UIMC1: variants seen among roughly 807,000 people sequenced by gnomAD.
The protein encoded by UIMC1 is ubiquitin interaction motif containing 1.
A neutral mutation model predicts 84.9 loss-of-function variants in UIMC1; 42 were observed. The ratio of observed to expected loss-of-function variants is 0.49; its 90% CI spans 0.39 to 0.64. The LOEUF is 0.64. Ranked by LOEUF, UIMC1 falls within the 30% of genes least tolerant of loss-of-function variation. The pLI is 0.00. For missense variants in UIMC1, 825 were observed against 847.6 expected (o/e 0.97, Z 0.33); for synonymous variants, 281 against 293.0 (o/e 0.96, Z 0.42).
intron 10 of UIMC1, among the ~76,000 whole-genome samples, chr5:176,933,420 A>C (rs1763352533): frequency 6.6e-6 from 1 of 152,242 alleles, no homozygotes; most frequent in South Asian, 2.1e-4. Context: ...TGGAGGCAAA[A>C]GGAATGCTCT....
chr5:176,951,986 T>C (rs1765941543), intron 8 of UIMC1, among the ~76,000 whole-genome samples: 1 of 152,242 alleles, frequency 6.6e-6, no homozygotes, highest in Non-Finnish European at 1.5e-5. Context: ...TTGTCTCTCA[T>C]ATAAATAGAA....
chr5:176,973,660 T>C (rs1422266728), intron 3 of UIMC1, among the ~76,000 whole-genome samples: 1 of 151,850 alleles, frequency 6.6e-6, no homozygotes, highest in East Asian at 1.9e-4. Context: ...TCTCAGCTAC[T>C]CAGGAGGCAG....
intron 1 of UIMC1, among the ~76,000 whole-genome samples, chr5:176,986,811 T>A (rs575484182): frequency 5.9e-5 from 9 of 152,148 alleles, no homozygotes; most frequent in Admixed American, 2.0e-4. Flanking sequence ...CTTAGGGTTC[T>A]AGGCAGAACA....
intron 8 of UIMC1, among the ~76,000 whole-genome samples, chr5:176,955,650 A>G (rs1480626943): frequency 6.6e-6 from 1 of 152,242 alleles, no homozygotes; most frequent in Non-Finnish European, 1.5e-5. Context: ...TGTACAGTTA[A>G]GCAAATGCTA....
At chr5:176,953,802 A>G (rs1766229775) in intron 8 of UIMC1, among the ~76,000 whole-genome samples, 1 of 152,206 alleles carries the variant, frequency 6.6e-6, no homozygotes, top group Admixed American at 6.5e-5. Context: ...AGTAACACTA[A>G]AAAGATATTG....
chr5:176,970,688 G>A (rs1331757712), intron 4 of UIMC1, 54 bp downstream of exon 4: 1 of 1,612,738 alleles, frequency 6.2e-7, no homozygotes, highest in Non-Finnish European at 8.5e-7. Flanking sequence ...CACCACAGAA[G>A]TCAAAAATAT....
intron 10 of UIMC1, among the ~76,000 whole-genome samples, chr5:176,915,749 T>A (rs1289123465): frequency 1.5e-5 from 2 of 133,170 alleles, no homozygotes; most frequent in African/African-American, 2.9e-5. Flanking sequence ...CCACTGCGCC[T>A]GACTGTAAAT....
At chr5:177,010,491 T>A (rs978686249), upstream of UIMC1, among the ~76,000 whole-genome samples, 1 of 152,170 alleles carries the variant, frequency 6.6e-6, no homozygotes, top group African/African-American at 2.4e-5. Flanking sequence ...TCTAAAAGTA[T>A]TCCCATAGGC....
chr5:176,912,043 C>T (rs1581345666), intron 10 of UIMC1, among the ~76,000 whole-genome samples: 1 of 152,194 alleles, frequency 6.6e-6, no homozygotes, highest in East Asian at 1.9e-4. Context: ...CCAGCTCATT[C>T]CTTGCATAAC....
chr5:176,972,628 C>T (rs182340202), intron 3 of UIMC1, among the ~76,000 whole-genome samples: 4,080 of 151,862 alleles, frequency 0.027, 84 homozygotes, highest in South Asian at 0.097. Context: ...CCCAGCTACT[C>T]GGGAGGCTGA....
intron 12 of UIMC1, among the ~76,000 whole-genome samples, chr5:176,908,277 T>A (rs1411165522): frequency 1.3e-5 from 2 of 152,242 alleles, no homozygotes; most frequent in Non-Finnish European, 2.9e-5. Flanking sequence ...TTTGAGTAGC[T>A]AAATTATAGG....
chr5:176,905,809 G>C (rs1759286327), intron 14 of UIMC1: 1 of 646,942 alleles, frequency 1.5e-6, no homozygotes, highest in African/African-American at 1.8e-5. Flanking sequence ...CACTCTGTTT[G>C]TTTTAACACA....
rs559445696 is a variant in UIMC1, at chr5:176,942,131, C to G, written c.1597+1204G>C. ...AAGGGATTACAGGCATGAACCACCGCGCCCAGCCTCTGGTACACTCTTAAA... is the reference window on the plus strand; with the variant it reads ...AAGGGATTACAGGCATGAACCACCGGGCCCAGCCTCTGGTACACTCTTAAA... On this transcript the variant is annotated intron_variant, in intron 10 of 14. Transcript: ENST00000511320. Among the ~76,000 whole-genome samples the G allele has an allele frequency of 2.0e-5, 3 of 152,280 alleles. No homozygotes were observed. In the East Asian group the frequency reaches 5.8e-4, roughly 29 times the overall value.
At chr5:176,973,175 C>G (rs1455445378) in intron 3 of UIMC1, among the ~76,000 whole-genome samples, 1 of 152,024 alleles carries the variant, frequency 6.6e-6, no homozygotes, top group Non-Finnish European at 1.5e-5. Context: ...CTCGGCCTCC[C>G]AAAGTGCTGG....
intron 2 of UIMC1, among the ~76,000 whole-genome samples, chr5:176,976,561 T>C (rs1420958105): frequency 1.3e-5 from 2 of 152,200 alleles, no homozygotes; most frequent in African/African-American, 2.4e-5. Flanking sequence ...CCTAGTACAC[T>C]GTTGGTGGGA....
chr5:177,008,979 C>T (rs970327292), upstream of UIMC1, among the ~76,000 whole-genome samples: 1 of 151,686 alleles, frequency 6.6e-6, no homozygotes, highest in Admixed American at 6.6e-5. Flanking sequence ...TGTCCCAACT[C>T]GTGACCTATG....
intron 2 of UIMC1, among the ~76,000 whole-genome samples, chr5:176,978,467 T>C (rs1770503057): frequency 6.6e-6 from 1 of 152,174 alleles, no homozygotes; most frequent in Non-Finnish European, 1.5e-5. Flanking sequence ...ATTCCTATAC[T>C]ATTTAAATTG....
At chr5:176,996,347 T>A (rs1773612428) in intron 1 of UIMC1, among the ~76,000 whole-genome samples, 2 of 152,170 alleles carry the variant, frequency 1.3e-5, no homozygotes, top group Non-Finnish European at 2.9e-5. Context: ...ATGTTCTCTA[T>A]CTTGATTGTG....
chr5:176,934,036 C>T (rs1236817862), intron 10 of UIMC1, among the ~76,000 whole-genome samples: 1 of 152,026 alleles, frequency 6.6e-6, no homozygotes, highest in Admixed American at 6.6e-5. Flanking sequence ...AGTCTGTTTC[C>T]CTTGCTGGAC....
Sources: allele counts gnomAD v4.1 joint callset (sites outside exome capture counted in the v4.1 genomes callset), GRCh38; gene constraint gnomAD v4.1.1; transcripts MANE v1.5; gene names NCBI Gene and HGNC (gene_info 2026-07-23, HGNC 2026-07-21).